The following NID2 variants were observed in gnomAD, a reference collection of about 807,000 sequenced individuals.
NID2 encodes the protein nidogen-2.
A neutral mutation model predicts 145.4 loss-of-function variants in NID2; 83 were observed. That is an observed-to-expected ratio of 0.57 (90% CI 0.48 to 0.69). The LOEUF is 0.69. Ranked by LOEUF, NID2 falls within the 30% of genes least tolerant of loss-of-function variation. The pLI is 0.00. For synonymous variants in NID2, 739 were observed against 701.3 expected, an observed-to-expected ratio of 1.05 and a Z score of -0.85; for missense variants, 1,807 against 1,765.7, an observed-to-expected ratio of 1.02 and a Z score of -0.42.
chr14:52,010,841 A>G (rs761663853), intron 18 of NID2, 35 bp downstream of exon 18: 1 of 1,600,438 alleles, frequency 6.2e-7, no homozygotes, highest in South Asian at 1.1e-5. Context: ...ATCAGGATCT[A>G]CAGGTAAGAG....
At chr14:52,021,563 A>G (rs1455716713) in intron 12 of NID2, among the ~76,000 whole-genome samples, 1 of 152,196 alleles carries the variant, frequency 6.6e-6, no homozygotes, top group African/African-American at 2.4e-5. Context: ...GGAATCTCTT[A>G]TGTTATAATT....
At position 52,011,617 on chromosome 14, in the gene NID2, C is replaced by G. The variant is rs774765922; in HGVS notation, c.3487G>C (p.Gly1163Arg). ...ERMVYWTDVA[G>R]RTISRAGLEL... ...AGACCAGCACGGCTGATTGTCCGTC[C>G]AGCAACATCTGTCCAGTACACCATC... Residue 1163 changes from glycine to arginine, a missense_variant, in exon 17 of 22, where the codon GGA (glycine) becomes CGA (arginine). By Grantham distance (125) the Gly-to-Arg change is moderately radical (BLOSUM62 -2). Coordinates refer to ENST00000216286, the MANE Select transcript of NID2 (RefSeq NM_007361.4). 4.3e-6 allele frequency: 7 copies of G among 1,614,222 alleles called. No homozygotes were observed. The highest frequency in any genetic ancestry group is 5.1e-6 in the Non-Finnish European group (6 of 1,180,032).
chr14:52,010,537 CCAGTTT>C (rs1454979998), intron 18 of NID2: 2 of 180,844 alleles, frequency 1.1e-5, no homozygotes, highest in South Asian at 1.4e-4. Flanking sequence ...CACTTCACTT[CCAGTTT>C]AAGTGTCAGC....
At chr14:52,041,822 T>G (rs188187414) in intron 7 of NID2, among the ~76,000 whole-genome samples, 1 of 152,210 alleles carries the variant, frequency 6.6e-6, no homozygotes, top group African/African-American at 2.4e-5. Flanking sequence ...ACAAATATGC[T>G]GCAACAAATT....
chr14:52,053,935 G>T lies in NID2; in HGVS notation c.1073C>A (p.Ser358Tyr), dbSNP rs1465155682. The T allele has an allele frequency of 6.2e-7, 1 of 1,613,530 alleles. No individual in the cohort carries two copies. The highest frequency in any genetic ancestry group is 8.5e-7 in the Non-Finnish European group (1 of 1,179,772). ...TTTGGTGTGAGGATCCAAGGTGGAA[G>T]ATTCTGTTTCAGGATAGAATGGCCA... ...SKVDTKPLEE[S>Y]STLDPHTKEG... Residue 358 changes from serine to tyrosine, a missense_variant, in exon 5 of 22, where the codon TCT becomes TAT. Ser to Tyr is a moderately radical substitution (Grantham distance 144, BLOSUM62 -2). Coordinates refer to ENST00000216286, the MANE Select transcript of NID2 (RefSeq NM_007361.4).
At chr14:52,022,574 G>A (rs976097041) in intron 12 of NID2, among the ~76,000 whole-genome samples, 2 of 152,230 alleles carry the variant, frequency 1.3e-5, no homozygotes, top group Non-Finnish European at 2.9e-5. Context: ...GCAGGGGCCT[G>A]TAGGGACTGC....
Position 52,068,770 on chromosome 14 carries a change from G to A in NID2, c.225C>T (p.Leu75=), listed in dbSNP as rs1430156770. 5 of 1,602,100 alleles carry A rather than the reference G, an allele frequency of 3.1e-6. No homozygotes were observed. The highest frequency in any genetic ancestry group is 1.3e-5 in the African/African-American group (1 of 75,030). Residue 75 remains leucine, a synonymous_variant, in exon 1 of 22, where the codon CTC becomes CTT. Transcript: ENST00000216286. ...GCCAGGAGGGGGCTGAACTTACGTA[G>A]AGGTTGCTGAATCGGGCTTCGTAGA... ...LHFYEARFSN[L]YVGTNGIIST...
chr14:52,005,492 T>A lies in NID2; in HGVS notation c.4122A>T (p.Arg1374Ser). Reference protein sequence around the residue: ...TAVYPYCPTGRK With the variant: ...TAVYPYCPTGSK ...TTCCTTTACATTACTGTACTTACTT[T>A]CTTCCTGTGAGAGAAGAGCAGGGGT... The change falls in exon 22 of 22, where the codon AGA becomes AGT. Residue 1374 changes from arginine to serine, a missense_variant. By Grantham distance (110) the Arg-to-Ser change is moderately radical. Coordinates refer to ENST00000216286, the MANE Select transcript of NID2 (RefSeq NM_007361.4). 1.9e-6 allele frequency: 3 copies of A among 1,598,828 alleles called. No homozygotes were observed. Among genetic ancestry groups the A allele is most frequent in the Non-Finnish European group, 2.6e-6 (3 of 1,174,298 alleles).
At chr14:52,040,522 T>A in intron 8 of NID2, 129 bp downstream of exon 8, 2 of 766,480 alleles carry the variant, frequency 2.6e-6, no homozygotes, top group Non-Finnish European at 4.5e-6. Flanking sequence ...AGTAATAACA[T>A]AATAGAGCTC....
chr14:52,063,010 C>T lies in NID2; in HGVS notation c.535-2654G>A, dbSNP rs191241279. On this transcript the variant is annotated intron_variant, in intron 2 of 21. Transcript: ENST00000216286. Reference sequence around the variant, plus strand: ...GTAGAATTTATGATCCCAAAGTACACGCCAAAAGAGTTTGGCTGTTTAAAA... The same window carrying T: ...GTAGAATTTATGATCCCAAAGTACATGCCAAAAGAGTTTGGCTGTTTAAAA... Among the ~76,000 whole-genome samples, 217 of 152,294 alleles carry T rather than the reference C, an allele frequency of 1.4e-3. 3 individuals are homozygous for T. The highest frequency in any genetic ancestry group is 5.1e-4 in the Non-Finnish European group (35 of 68,022).
intron 15 of NID2, among the ~76,000 whole-genome samples, chr14:52,014,720 A>AG (rs1595005526): frequency 6.6e-6 from 1 of 150,586 alleles, no homozygotes; most frequent in Admixed American, 6.6e-5. Flanking sequence ...TTTTTTCAAG[A>AG]GAAAAAAAAA....
chr14:52,025,618 C>A (rs1192458275), intron 12 of NID2, among the ~76,000 whole-genome samples: 2 of 152,202 alleles, frequency 1.3e-5, no homozygotes, highest in Non-Finnish European at 2.9e-5. Context: ...GGCCTTCCTG[C>A]TGGTTGGGAC....
At position 52,019,222 on chromosome 14, in the gene NID2, G is replaced by A; in HGVS notation, c.2867C>T (p.Ala956Val). The A allele has an allele frequency of 6.2e-7, 1 of 1,613,164 alleles. No individual in the cohort carries two copies. The highest frequency in any genetic ancestry group is 8.5e-7 in the Non-Finnish European group (1 of 1,179,192). Residue 956 changes from alanine to valine, a missense_variant, in exon 14 of 22, where the codon GCC (alanine) becomes GTC (valine). Transcript: ENST00000216286. ...GTCGCATTGGGGGATGTGGAACCGGGCCCCAGGGTAGGCATACTGGGCCTG... is the reference window on the plus strand; with the variant it reads ...GTCGCATTGGGGGATGTGGAACCGGACCCCAGGGTAGGCATACTGGGCCTG... ...HAQAQYAYPG[A>V]RFHIPQCDEQ...
At chr14:52,026,425 C>G (rs2140371194) in intron 12 of NID2, among the ~76,000 whole-genome samples, 1 of 152,350 alleles carries the variant, frequency 6.6e-6, no homozygotes, top group African/African-American at 2.4e-5. Context: ...ACCATTCTCT[C>G]ATCCCCAGTG....
intron 12 of NID2, among the ~76,000 whole-genome samples, chr14:52,025,190 A>C (rs2051599965): frequency 6.6e-6 from 1 of 152,216 alleles, no homozygotes; most frequent in South Asian, 2.1e-4. Context: ...CATCATTCCC[A>C]CTGTCAGGCT....
chr14:52,044,550 G>A (rs573005456), intron 5 of NID2, among the ~76,000 whole-genome samples: 2 of 151,816 alleles, frequency 1.3e-5, no homozygotes, highest in Non-Finnish European at 2.9e-5. Flanking sequence ...GATAACAGGC[G>A]TGAGCCACCC....
At chr14:52,030,030 T>G (rs2516598) in intron 9 of NID2, among the ~76,000 whole-genome samples, 141,829 of 152,174 alleles carry the variant, frequency 0.93, 66,762 homozygotes, top group Non-Finnish European at 1. Context: ...GTGAGTTGTT[T>G]TCCCCATTAT....
At position 52,067,848 on chromosome 14, in the gene NID2, G is replaced by T; in HGVS notation, c.534+10C>A. On this transcript the variant is annotated intron_variant, in intron 2 of 21. Coordinates refer to ENST00000216286, the MANE Select transcript of NID2 (RefSeq NM_007361.4). ...ATTTCCTCAGCAGTCAAATATCCCT[G>T]GTCACTTACCTCTCCCGAGGGCAGC... 6.2e-7 allele frequency: 1 copy of T among 1,610,890 alleles called. No homozygotes were observed. Among genetic ancestry groups the T allele is most frequent in the Non-Finnish European group, 8.5e-7 (1 of 1,179,734 alleles).
At chr14:52,005,525 G>A (rs1215014780) in intron 21 of NID2, 29 bp from the exon 22 acceptor site, 2 of 1,592,494 alleles carry the variant, frequency 1.3e-6, no homozygotes, top group Admixed American at 1.8e-5. Context: ...GGTGGGACAG[G>A]GTGGTGGGTG....
Sources: gnomAD v4.1 joint callset for allele counts (sites outside exome capture counted in the v4.1 genomes callset) on GRCh38, gnomAD v4.1.1 for gene constraint, MANE v1.5 for transcripts, NCBI Gene and HGNC (gene_info 2026-07-23, HGNC 2026-07-21) for gene names.